Variants in NPC2 observed in about 807,000 individuals in gnomAD.
NPC2 encodes Niemann-Pick disease type C2 protein.
In NPC2, 14 loss-of-function variants were observed where a neutral mutation model predicts 17.0. The ratio of observed to expected loss-of-function variants is 0.82; its 90% confidence interval spans 0.54 to 1.29. The LOEUF is 1.29. NPC2 is among the 50% of genes most tolerant of loss of function. NPC2 has a pLI of 0.00. For synonymous variants in NPC2, 75 were observed against 69.3 expected (o/e 1.08, Z -0.41); for missense variants, 167 against 183.4 (o/e 0.91, Z 0.52).
rs10148268 is a variant in NPC2, at chr14:74,484,261, T to C, written c.363+154A>G. 153,333 of 779,108 alleles carry C rather than the reference T, an allele frequency of 0.2. 16,621 individuals are homozygous for C. The highest frequency in any genetic ancestry group is 0.33 in the African/African-American group (19,422 of 58,052). 48.3% of individuals were successfully genotyped at this position (779,108 alleles called of 1,614,324 possible). A position where few individuals can be genotyped will look rare whatever the true frequency, so the allele number is the denominator to read the frequency against. ...GAAAAAGACCTGCCCTACCTCCTGA[T>C]GCCTAACACCGCACCTATCTCCTTT... On this transcript the variant is annotated intron_variant, in intron 3 of 4. Transcript: ENST00000555619.
intron 3 of NPC2, 133 bp downstream of exon 3, chr14:74,484,281 TC>T (rs1367018784): frequency 4.3e-6 from 4 of 935,746 alleles, no homozygotes; most frequent in Non-Finnish European, 6.9e-6. Flanking sequence ...CGCACCTATC[TC>T]CTTTCCCTCG....
At chr14:74,491,151 T>G (rs1480308309) in intron 1 of NPC2, among the ~76,000 whole-genome samples, 1 of 152,124 alleles carries the variant, frequency 6.6e-6, no homozygotes, top group African/African-American at 2.4e-5. Flanking sequence ...TGGCTCACTG[T>G]AACCTCCACC....
intron 3 of NPC2, chr14:74,483,479 C>G (rs1266861289): frequency 7.7e-6 from 12 of 1,563,966 alleles, no homozygotes; most frequent in Non-Finnish European, 9.6e-6. Flanking sequence ...AAAGAAACAG[C>G]CTAAAAAGAA....
Position 74,493,279 on chromosome 14 carries a change from G to C in NPC2, c.-5C>G. On this transcript the variant is annotated 5_prime_UTR_variant, in exon 1 of 5. It adds an upstream start codon to the 5' untranslated region. Transcript: ENST00000555619. This position sits in a 1 kb window ranked among gnomAD's most constrained non-coding sequence, Gnocchi z 4.1. ...TGTAGCTGCCAGGAAACGCATCGCG[G>C]ATAACGAAGTTCCAAGCTCGGGAAA... The C allele has an allele frequency of 6.2e-7, 1 of 1,612,794 alleles. No individual in the cohort carries two copies. Among genetic ancestry groups the C allele is most frequent in the Non-Finnish European group, 8.5e-7 (1 of 1,179,570 alleles).
chr14:74,480,363 G>T, intron 4 of NPC2, 75 bp from the exon 5 acceptor site: 1 of 1,310,194 alleles, frequency 7.6e-7, no homozygotes, highest in Non-Finnish European at 1.1e-6. Context: ...TAACCCTAGG[G>T]CAAGTTATCA....
In NPC2 at chr14:74,480,021, TA is replaced by T. The variant is rs369932535; in HGVS notation, c.*252del. The T allele has an allele frequency of 1.4e-3, 1,914 of 1,373,998 alleles. 9 individuals carry two copies. The African/African-American group carries it at 0.014, about 10-fold the overall frequency. The allele number at this position is 1,373,998 out of a possible 1,614,324, so 85.1% of individuals were successfully genotyped here. ...GAAAGAGGCCACAAGTTAATGTTGT[TA>T]AAAAAAAAATTAAACATCTGCTAAC... On this transcript the variant is annotated 3_prime_UTR_variant, in exon 5 of 5. Transcript: ENST00000555619.
intron 3 of NPC2, chr14:74,483,492 C>T (rs2086676477): frequency 2.6e-6 from 4 of 1,563,680 alleles, no homozygotes; most frequent in Non-Finnish European, 3.5e-6. Context: ...AAAAAGAAAT[C>T]ATGTCTGCTG....
chr14:74,488,402 C>T (rs1010709893), intron 1 of NPC2, among the ~76,000 whole-genome samples: 2 of 152,146 alleles, frequency 1.3e-5, no homozygotes, highest in African/African-American at 4.8e-5. Context: ...GTCAGAATAT[C>T]AGTCTTGGCT....
intron 1 of NPC2, among the ~76,000 whole-genome samples, chr14:74,487,263 G>GTTTTTTTTTTTTTTTTTT (rs1208707592): frequency 7.4e-6 from 1 of 134,948 alleles, no homozygotes. Context: ...TTGTTTTTGT[G>GTTTTTTTTTTTTTTTTTT]GTTTTTTTTT....
intron 3 of NPC2, among the ~76,000 whole-genome samples, chr14:74,482,471 G>C (rs1217889514): frequency 6.6e-6 from 1 of 152,214 alleles, no homozygotes; most frequent in East Asian, 1.9e-4. Context: ...ATGGGTCAGA[G>C]GTGAAGGTGG....
chr14:74,492,184 T>C (rs2086782379), intron 1 of NPC2, among the ~76,000 whole-genome samples: 1 of 152,090 alleles, frequency 6.6e-6, no homozygotes, highest in Non-Finnish European at 1.5e-5. Flanking sequence ...AAAACTCTGA[T>C]CCCCGAATGC....
intron 2 of NPC2, among the ~76,000 whole-genome samples, chr14:74,485,763 G>A (rs1351085668): frequency 2.0e-5 from 3 of 152,180 alleles, no homozygotes; most frequent in Non-Finnish European, 4.4e-5. Context: ...TCAAAGTGAT[G>A]TGGTACAAGA....
In NPC2 at chr14:74,479,958, C is replaced by G; in HGVS notation, c.*316G>C. 7.7e-7 allele frequency: 1 copy of G among 1,306,348 alleles called. No individual in the cohort carries two copies. The highest frequency in any genetic ancestry group is 9.8e-7 in the Non-Finnish European group (1 of 1,019,772). The allele number at this position is 1,306,348 out of a possible 1,614,324, so 80.9% of individuals were successfully genotyped here. On this transcript the variant is annotated 3_prime_UTR_variant, in exon 5 of 5. Transcript: ENST00000555619. ...GCCCACATGCAGAAGACAAGACAAA[C>G]GAGTTTTTATTTATTCAAGAGTAAA... is the stretch of plus-strand genomic sequence containing the variant.
Position 74,493,278 on chromosome 14 carries a change from G to T in NPC2, c.-4C>A. ...ATGTAGCTGCCAGGAAACGCATCGC[G>T]GATAACGAAGTTCCAAGCTCGGGAA... On this transcript the variant is annotated 5_prime_UTR_variant, in exon 1 of 5. Transcript: ENST00000555619. This position sits in a 1 kb window ranked among gnomAD's most constrained non-coding sequence, Gnocchi z 4.1. The T allele has an allele frequency of 6.2e-7, 1 of 1,612,698 alleles. No individual in the cohort carries two copies. Among genetic ancestry groups the T allele is most frequent in the East Asian group, 2.2e-5 (1 of 44,828 alleles).
chr14:74,487,263 G>GTTTTTTTTTTTTTTT (rs1208707592), intron 1 of NPC2, among the ~76,000 whole-genome samples: 1 of 134,952 alleles, frequency 7.4e-6, no homozygotes, highest in African/African-American at 2.9e-5. Flanking sequence ...TTGTTTTTGT[G>GTTTTTTTTTTTTTTT]GTTTTTTTTT....
chr14:74,486,379 C>T lies in NPC2; in HGVS notation c.140G>A (p.Cys47Tyr). The change falls in exon 2 of 5, where the codon TGC (cysteine) becomes TAC (tyrosine). Residue 47 changes from cysteine to tyrosine, a missense_variant. By Grantham distance (194) the Cys-to-Tyr change is radical. Coordinates refer to ENST00000555619, the MANE Select transcript of NPC2 (RefSeq NM_006432.5). ...VNVSPCPTQP[C>Y]QLSKGQSYSV... ...GTAAGACTGTCCTTTGCTCAGCTGG[C>T]AGGGTTGGGTGGGGCATGGGCTCAC... 6.2e-7 allele frequency: 1 copy of T among 1,606,142 alleles called. No individual in the cohort carries two copies. The highest frequency in any genetic ancestry group is 1.1e-5 in the South Asian group (1 of 89,058).
intron 1 of NPC2, among the ~76,000 whole-genome samples, chr14:74,492,825 C>T (rs4899516): frequency 6.6e-6 from 1 of 152,028 alleles, no homozygotes; most frequent in African/African-American, 2.4e-5. Context: ...AAGGGGGAGG[C>T]GGGATTCCAA....
chr14:74,479,935 C>A (rs2086637293), downstream of NPC2: 11 of 1,246,122 alleles, frequency 8.8e-6, no homozygotes, highest in Non-Finnish European at 1.1e-5. Flanking sequence ...AGACCACAGC[C>A]CACATGCAGA....
intron 3 of NPC2, 66 bp from the exon 4 acceptor site, chr14:74,480,845 T>TG: frequency 7.6e-7 from 1 of 1,317,094 alleles, no homozygotes; most frequent in Non-Finnish European, 1.1e-6. Context: ...ATAATTGGTT[T>TG]AACTATGAAT....
Sources: allele counts gnomAD v4.1 joint callset (sites outside exome capture counted in the v4.1 genomes callset), GRCh38; gene constraint gnomAD v4.1.1; non-coding constraint Gnocchi (gnomAD v3.1); transcripts MANE v1.5; gene names NCBI Gene and HGNC (gene_info 2026-07-23, HGNC 2026-07-21).